Variants in GLCE observed in about 807,000 individuals in gnomAD.
GLCE encodes glucuronic acid epimerase.
In GLCE, 19 loss-of-function variants were observed where a neutral mutation model predicts 47.9. The ratio of observed to expected loss-of-function variants is 0.40; its 90% CI spans 0.28 to 0.58. The LOEUF is 0.58. Among genes scored for constraint, GLCE ranks in the 20% least tolerant of loss-of-function variants. The pLI is 0.48. For synonymous variants in GLCE, 245 were observed against 263.4 expected (o/e 0.93, Z 0.68); for missense variants, 556 against 743.3 (o/e 0.75, Z 2.93).
intron 2 of GLCE, among the ~76,000 whole-genome samples, chr15:69,243,503 C>A (rs2052703880): frequency 6.7e-6 from 1 of 149,826 alleles, no homozygotes; most frequent in African/African-American, 2.5e-5. Flanking sequence ...CTTTGGGAGG[C>A]TAAAAGGATC....
intron 1 of GLCE, among the ~76,000 whole-genome samples, chr15:69,180,202 C>T (rs1474673277): frequency 2.0e-5 from 3 of 152,024 alleles, no homozygotes; most frequent in African/African-American, 4.8e-5. Flanking sequence ...TTAGTGGTCC[C>T]TTTTAGTATA....
chr15:69,230,746 G>C (rs2052511091), intron 2 of GLCE, among the ~76,000 whole-genome samples: 1 of 152,184 alleles, frequency 6.6e-6, no homozygotes, highest in Non-Finnish European at 1.5e-5. Context: ...ATGTATTTGT[G>C]TCCTGTTGTT....
intron 2 of GLCE, among the ~76,000 whole-genome samples, chr15:69,213,018 A>G (rs559208599): frequency 1.4e-4 from 22 of 152,228 alleles, no homozygotes; most frequent in Middle Eastern, 3.4e-3. Context: ...GCTATCAAGA[A>G]AGGTATACTG....
intron 2 of GLCE, among the ~76,000 whole-genome samples, chr15:69,212,779 G>A (rs1040692411): frequency 6.6e-6 from 1 of 151,936 alleles, no homozygotes; most frequent in Non-Finnish European, 1.5e-5. Context: ...CTAACGATGT[G>A]GACATGTGTA....
chr15:69,199,744 T>C (rs1044456749), intron 1 of GLCE, among the ~76,000 whole-genome samples: 3 of 152,212 alleles, frequency 2.0e-5, no homozygotes, highest in Non-Finnish European at 4.4e-5. Flanking sequence ...CTGGAGCCAC[T>C]TGGGGAGTTT....
At chr15:69,221,674 C>T (rs1194772494) in intron 2 of GLCE, among the ~76,000 whole-genome samples, 1 of 151,800 alleles carries the variant, frequency 6.6e-6, no homozygotes, top group African/African-American at 2.4e-5. Flanking sequence ...ACCAGCCCGG[C>T]CATCATGACG....
At chr15:69,172,206 G>A (rs1218872816) in intron 1 of GLCE, among the ~76,000 whole-genome samples, 1 of 152,076 alleles carries the variant, frequency 6.6e-6, no homozygotes, top group Non-Finnish European at 1.5e-5. Context: ...GTACAATATG[G>A]GAAAACAAGT....
chr15:69,217,252 C>T (rs1566958876), intron 2 of GLCE, among the ~76,000 whole-genome samples: 1 of 151,708 alleles, frequency 6.6e-6, no homozygotes, highest in Non-Finnish European at 1.5e-5. Context: ...ATATATCTTA[C>T]ATTGTTGTCC....
rs988243013 is a variant in GLCE at position 69,270,210 on chromosome 15, A to G, written c.*966A>G. On this transcript the variant is annotated 3_prime_UTR_variant, in exon 5 of 5. Coordinates refer to ENST00000261858, the MANE Select transcript of GLCE (RefSeq NM_015554.3). ...GATTTTTCCCCCTTTAAATAAAAAT[A>G]TTAGATCAAATACTATATGCAAGAA... 1 of 152,182 alleles carries G rather than the reference A, an allele frequency of 6.6e-6. No individual in the cohort carries two copies. Among genetic ancestry groups the G allele is most frequent in the African/African-American group, 2.4e-5 (1 of 41,450 alleles). 9.4% of individuals were successfully genotyped at this position (152,182 alleles called of 1,614,324 possible).
chr15:69,167,347 C>T (rs146114456), intron 1 of GLCE, among the ~76,000 whole-genome samples: 2 of 152,364 alleles, frequency 1.3e-5, no homozygotes, highest in East Asian at 3.9e-4. Flanking sequence ...TGTTGAGGAT[C>T]TGAGAGTCTT....
At chr15:69,248,157 G>A (rs1262738065) in intron 2 of GLCE, among the ~76,000 whole-genome samples, 4 of 152,142 alleles carry the variant, frequency 2.6e-5, no homozygotes, top group Non-Finnish European at 5.9e-5. Flanking sequence ...CTTATTGTGA[G>A]TAGCTACCAG....
At chr15:69,258,044 T>C (rs191147375) in intron 3 of GLCE, among the ~76,000 whole-genome samples, 322 of 152,198 alleles carry the variant, frequency 2.1e-3, no homozygotes, top group African/African-American at 7.5e-3. Flanking sequence ...AGTTTTGTTA[T>C]ATAGGTAACT....
At chr15:69,171,266 A>G (rs757658435) in intron 1 of GLCE, among the ~76,000 whole-genome samples, 1 of 152,232 alleles carries the variant, frequency 6.6e-6, no homozygotes, top group African/African-American at 2.4e-5. Flanking sequence ...TCTCATATAT[A>G]AAAGATATTT....
At chr15:69,260,158 TA>T (rs1214775278) in intron 3 of GLCE, among the ~76,000 whole-genome samples, 2 of 151,626 alleles carry the variant, frequency 1.3e-5, no homozygotes, top group Non-Finnish European at 2.9e-5. Context: ...ATTCATGTTT[TA>T]AAAAACACTT....
rs1356281715 is a variant in GLCE, at chr15:69,268,576, A to G, written c.1186A>G (p.Ile396Val). 6.2e-6 allele frequency: 10 copies of G among 1,614,114 alleles called. No homozygotes were observed. The highest frequency in any genetic ancestry group is 6.8e-6 in the Non-Finnish European group (8 of 1,180,040). ...KGKGFLDNIT[I>V]STTAHMAAFF... ...TAAGGGATTCCTCGACAACATTACC[A>G]TCTCTACCACAGCCCACATGGCTGC... Residue 396 changes from isoleucine (I) to valine (V), a missense_variant, in exon 5 of 5, where the codon ATC (isoleucine) becomes GTC (valine). By Grantham distance (29) the Ile-to-Val change is conservative. Transcript: ENST00000261858.
intron 1 of GLCE, among the ~76,000 whole-genome samples, chr15:69,173,689 A>C (rs555660083): frequency 6.6e-6 from 1 of 152,242 alleles, no homozygotes; most frequent in African/African-American, 2.4e-5. Context: ...CAATTTAAAA[A>C]TTTTTAAAAA....
At chr15:69,222,855 G>C (rs933503848) in intron 2 of GLCE, among the ~76,000 whole-genome samples, 3 of 152,120 alleles carry the variant, frequency 2.0e-5, no homozygotes, top group Admixed American at 1.3e-4. Flanking sequence ...TCACATTCCT[G>C]TTTGTGTATT....
At chr15:69,265,752 C>T (rs77126318) in intron 4 of GLCE, among the ~76,000 whole-genome samples, 1,734 of 152,098 alleles carry the variant, frequency 0.011, 26 homozygotes, top group African/African-American at 0.037. Context: ...TTCCAGCTTC[C>T]GAAATTCTGG....
chr15:69,209,117 A>G (rs1264548807), intron 1 of GLCE, among the ~76,000 whole-genome samples: 1 of 151,112 alleles, frequency 6.6e-6, no homozygotes, highest in East Asian at 1.9e-4. Context: ...TAAAATTTCC[A>G]TTTGGTTCTT....
Sources: gnomAD v4.1 joint callset for allele counts (sites outside exome capture counted in the v4.1 genomes callset) on GRCh38, gnomAD v4.1.1 for gene constraint, MANE v1.5 for transcripts, NCBI Gene and HGNC (gene_info 2026-07-23, HGNC 2026-07-21) for gene names.